DNAH9: variants seen among roughly 807,000 people sequenced by gnomAD.
DNAH9 encodes the protein DNAH9 variant protein.
A neutral mutation model predicts 471.6 loss-of-function variants in DNAH9; 345 were observed. The ratio of observed to expected loss-of-function variants is 0.73; its 90% CI spans 0.67 to 0.80. The LOEUF is 0.80. Among genes scored for constraint, DNAH9 ranks in the 30% least tolerant of loss-of-function variants. The probability of loss-of-function intolerance (pLI) is 0.00; values close to 1 mark genes in which losing one functional copy is unlikely to be tolerated. For missense variants in DNAH9, 5,407 were observed against 5,609.2 expected (o/e 0.96, Z 1.15); for synonymous variants, 2,093 against 2,123.6 (o/e 0.99, Z 0.40).
Position 11,869,258 on chromosome 17 carries a change from G to T in DNAH9, c.10053+5G>T, listed in dbSNP as rs1263468599. On this transcript the variant is annotated splice_donor_5th_base_variant and intron_variant, in intron 51 of 68. Transcript: ENST00000262442. ...ATCTCCCTTGCCAACCGCCTGGTGAGTGTAAGCCACAGCAGCCCGAGCTGT... is the reference window on the plus strand; with the variant it reads ...ATCTCCCTTGCCAACCGCCTGGTGATTGTAAGCCACAGCAGCCCGAGCTGT... 1 of 1,612,892 alleles carries T rather than the reference G, an allele frequency of 6.2e-7. No individual in the cohort carries two copies. Among genetic ancestry groups the T allele is most frequent in the Admixed American group, 1.7e-5 (1 of 59,894 alleles).
chr17:11,969,429 C>T lies in DNAH9; in HGVS notation c.13363C>T (p.Gln4455Ter). 6.2e-7 allele frequency: 1 copy of T among 1,613,938 alleles called. No homozygotes were observed. The highest frequency in any genetic ancestry group is 8.5e-7 in the Non-Finnish European group (1 of 1,180,020). Reference sequence around the variant, plus strand: ...TTCCTGTCCTGTGTACAAGACTAGTCAGCGGGGACCCACCTACGTGTGGAC... The same window carrying T: ...TTCCTGTCCTGTGTACAAGACTAGTTAGCGGGGACCCACCTACGTGTGGAC... ...VYSCPVYKTS[Q>*]RGPTYVWTFN... The change falls in exon 69 of 69, where the codon CAG becomes TAG. Residue 4455 changes from glutamine to a stop codon, truncating the protein, a stop_gained. Transcript: ENST00000262442. LOFTEE classifies it high-confidence loss of function.
chr17:11,613,562 G>A (rs1230738736), intron 4 of DNAH9, among the ~76,000 whole-genome samples: 1 of 152,124 alleles, frequency 6.6e-6, no homozygotes, highest in African/African-American at 2.4e-5. Context: ...TCGAGATCGC[G>A]TCACCGCACT....
At chr17:11,627,630 A>G (rs2072992693) in intron 6 of DNAH9, among the ~76,000 whole-genome samples, 1 of 152,128 alleles carries the variant, frequency 6.6e-6, no homozygotes, top group South Asian at 2.1e-4. Context: ...TCTATTTTTG[A>G]AGAAAGACTG....
Position 11,878,545 on chromosome 17 carries a change from TTTTG to T in DNAH9, c.10479-1509_10479-1506del, listed in dbSNP as rs113781997. Among the ~76,000 whole-genome samples, 471 of 151,940 alleles carry T rather than the reference TTTTG, an allele frequency of 3.1e-3. 9 individuals are homozygous for T. The East Asian group carries it at 0.045, about 14-fold the overall frequency. ...CACCTACATTTTTAGTTTTTAGTTT[TTTTG>T]TTTGTTTGTTTGTTTGTTTGTTTTA... On this transcript the variant is annotated intron_variant, in intron 53 of 68. Coordinates refer to ENST00000262442, the MANE Select transcript of DNAH9 (RefSeq NM_001372.4).
chr17:11,744,714 T>C, intron 30 of DNAH9, 83 bp from the exon 31 acceptor site: 1 of 1,239,930 alleles, frequency 8.1e-7, no homozygotes, highest in Non-Finnish European at 1.1e-6. Context: ...CTAATGCTCA[T>C]AGCATATCTA....
intron 17 of DNAH9, among the ~76,000 whole-genome samples, chr17:11,673,518 C>G (rs1039346327): frequency 6.6e-6 from 1 of 152,060 alleles, no homozygotes; most frequent in Non-Finnish European, 1.5e-5. Context: ...AGGAGTATGA[C>G]CCCACAAGCC....
intron 48 of DNAH9, among the ~76,000 whole-genome samples, chr17:11,829,491 A>G (rs941093983): frequency 6.6e-6 from 1 of 152,166 alleles, no homozygotes; most frequent in Non-Finnish European, 1.5e-5. Flanking sequence ...TTTATTTTTG[A>G]GACTGAGTCT....
chr17:11,706,614 G>T (rs940876057), intron 26 of DNAH9, among the ~76,000 whole-genome samples: 1 of 152,188 alleles, frequency 6.6e-6, no homozygotes, highest in African/African-American at 2.4e-5. Flanking sequence ...AGGCTTCAGG[G>T]AAGAGATGGT....
At chr17:11,845,585 A>T (rs1248810216) in intron 49 of DNAH9, among the ~76,000 whole-genome samples, 6 of 144,874 alleles carry the variant, frequency 4.1e-5, no homozygotes, top group Non-Finnish European at 6.1e-5. Flanking sequence ...CGCCACACTG[A>T]CTTCCACAAT....
chr17:11,672,069 A>G (rs894926610), intron 17 of DNAH9, among the ~76,000 whole-genome samples: 1 of 152,226 alleles, frequency 6.6e-6, no homozygotes, highest in African/African-American at 2.4e-5. Flanking sequence ...AAAAATTATT[A>G]TTGTCTCCTC....
chr17:11,703,342 T>A (rs1402524288), intron 24 of DNAH9, among the ~76,000 whole-genome samples: 3 of 152,186 alleles, frequency 2.0e-5, no homozygotes, highest in African/African-American at 7.2e-5. Context: ...GAAATGGTGC[T>A]GTTTACTACG....
intron 45 of DNAH9, among the ~76,000 whole-genome samples, chr17:11,821,024 A>G (rs1036937868): frequency 5.9e-5 from 9 of 152,170 alleles, no homozygotes; most frequent in Admixed American, 2.0e-4. Context: ...GCTCATGCCT[A>G]TAATCCCAGC....
intron 10 of DNAH9, among the ~76,000 whole-genome samples, chr17:11,642,562 G>A (rs1318343394): frequency 6.6e-6 from 1 of 152,102 alleles, no homozygotes; most frequent in East Asian, 1.9e-4. Flanking sequence ...CAAAAAAAAA[G>A]TGTATTCTAT....
rs1214385662 is a variant in DNAH9, at chr17:11,619,794, C to T, written c.1350+13C>T. On this transcript the variant is annotated intron_variant, in intron 6 of 68. Coordinates refer to ENST00000262442, the MANE Select transcript of DNAH9 (RefSeq NM_001372.4). ...GCACGTGGTGGAGGTGAGTGCGCACCTCACCTCAGGCTGCCAGCCCCAGAC... is the reference window on the plus strand; with the variant it reads ...GCACGTGGTGGAGGTGAGTGCGCACTTCACCTCAGGCTGCCAGCCCCAGAC... The T allele has an allele frequency of 4.0e-6, 6 of 1,505,112 alleles. No homozygotes were observed. Among genetic ancestry groups the T allele is most frequent in the Non-Finnish European group, 4.6e-6 (5 of 1,080,986 alleles). 93.2% of individuals were successfully genotyped at this position (1,505,112 alleles called of 1,614,324 possible).
At chr17:11,945,689 T>G (rs1364123848) in intron 67 of DNAH9, among the ~76,000 whole-genome samples, 1 of 152,038 alleles carries the variant, frequency 6.6e-6, no homozygotes, top group Admixed American at 6.6e-5. Context: ...ACTTATTGGG[T>G]ACAGTGTTCA....
chr17:11,768,645 C>A lies in DNAH9; in HGVS notation c.7344+19C>A. On this transcript the variant is annotated intron_variant, in intron 37 of 68. Transcript: ENST00000262442. ...CTTGCAGGTGAGTGCAGCTGAGCAG[C>A]CGAGGACGTGCGTGCAGTTGCCCTC... 2 of 1,609,642 alleles carry A rather than the reference C, an allele frequency of 1.2e-6. No individual in the cohort carries two copies. The highest frequency in any genetic ancestry group is 1.7e-6 in the Non-Finnish European group (2 of 1,176,660).
intron 1 of DNAH9, 133 bp downstream of exon 1, chr17:11,599,048 C>T (rs1406955629): frequency 2.7e-6 from 2 of 740,686 alleles, no homozygotes; most frequent in Non-Finnish European, 4.0e-6. Flanking sequence ...GAGTGATAGG[C>T]AGAGGGGCGA....
At chr17:11,598,942 G>A (rs79807453) in intron 1 of DNAH9, 27 bp downstream of exon 1, 1 of 1,445,008 alleles carries the variant, frequency 6.9e-7, no homozygotes, top group Non-Finnish European at 9.1e-7. Context: ...GTCCCCGCGC[G>A]GCTAAAGCTG....
In DNAH9 at chr17:11,886,846, G is replaced by A. The variant is rs1455394522; in HGVS notation, c.10993G>A (p.Glu3665Lys). Residue 3665 changes from glutamate to lysine, a missense_variant, in exon 57 of 69, where the codon GAA becomes AAA. Glu to Lys is a moderately conservative substitution (Grantham distance 56). This residue lies in a region of DNAH9 where 4,636 missense variants were observed against 4,900.3 expected (regional missense o/e 0.95). Coordinates refer to ENST00000262442, the MANE Select transcript of DNAH9 (RefSeq NM_001372.4). Reference protein sequence around the residue: ...EKKVQEAKVTEVKINEAREHY... With the variant: ...EKKVQEAKVTKVKINEAREHY... ...ACAGGTCCAGGAGGCCAAGGTGACT[G>A]AAGTGAAAATCAACGAGGCCCGAGA... 2 of 1,612,146 alleles carry A rather than the reference G, an allele frequency of 1.2e-6. No individual in the cohort carries two copies. Among genetic ancestry groups the A allele is most frequent in the Non-Finnish European group, 1.7e-6 (2 of 1,179,094 alleles).
Sources: allele counts gnomAD v4.1 joint callset (sites outside exome capture counted in the v4.1 genomes callset), GRCh38; gene constraint gnomAD v4.1.1; regional missense constraint gnomAD v4.1.1; transcripts MANE v1.5; gene names NCBI Gene and HGNC (gene_info 2026-07-23, HGNC 2026-07-21).